Variants in CYREN observed in about 807,000 individuals in gnomAD.
CYREN encodes cell cycle regulator of non-homologous end joining.
A neutral mutation model predicts 9.7 loss-of-function variants in CYREN; 7 were observed. That is an observed-to-expected ratio of 0.72 (90% CI 0.41 to 1.36). The LOEUF (loss-of-function observed/expected upper bound fraction) is 1.36, where lower values mean the gene tolerates loss of function less well. Among genes scored for constraint, CYREN ranks in the 40% most tolerant of loss-of-function variants. The pLI is 0.01. For synonymous variants in CYREN, 76 were observed against 77.9 expected, an observed-to-expected ratio of 0.98 and a Z score of 0.13; for missense variants, 215 against 198.1, an observed-to-expected ratio of 1.09 and a Z score of -0.51.
intron 2 of CYREN, among the ~76,000 whole-genome samples, chr7:135,094,982 T>C (rs1351293647): frequency 6.6e-6 from 1 of 152,164 alleles, no homozygotes; most frequent in Non-Finnish European, 1.5e-5. Context: ...AGGAACTTGG[T>C]TTTCATAGTT....
intron 2 of CYREN, among the ~76,000 whole-genome samples, chr7:135,124,232 A>AAC (rs1427018818): frequency 1.3e-5 from 2 of 151,978 alleles, no homozygotes; most frequent in Non-Finnish European, 2.9e-5. Flanking sequence ...AAAAAAAAAA[A>AAC]AGTAGGGGTT....
downstream of CYREN, among the ~76,000 whole-genome samples, chr7:135,164,121 G>A (rs903448447): frequency 2.0e-5 from 3 of 152,200 alleles, no homozygotes; most frequent in Non-Finnish European, 4.4e-5. Context: ...GTTGTATTTG[G>A]ACTGGAGCAA....
chr7:135,110,559 T>C (rs1400398578), intron 2 of CYREN, among the ~76,000 whole-genome samples: 1 of 152,138 alleles, frequency 6.6e-6, no homozygotes, highest in African/African-American at 2.4e-5. Flanking sequence ...CCATCATCAC[T>C]CACTGACTCA....
intron 2 of CYREN, among the ~76,000 whole-genome samples, chr7:135,105,183 C>T (rs960031544): frequency 6.7e-6 from 1 of 149,056 alleles, no homozygotes; most frequent in South Asian, 2.1e-4. Context: ...GATTCTCTTG[C>T]CTCAGCCTCC....
At chr7:135,133,939 G>T (rs1316918912) in intron 2 of CYREN, among the ~76,000 whole-genome samples, 1 of 151,414 alleles carries the variant, frequency 6.6e-6, no homozygotes, top group Non-Finnish European at 1.5e-5. Context: ...TGAATCTCCA[G>T]ACAATTACTC....
intron 2 of CYREN, chr7:135,134,999 A>G: frequency 6.4e-7 from 1 of 1,551,192 alleles, no homozygotes; most frequent in Non-Finnish European, 8.7e-7. Context: ...TCACCTCTCA[A>G]AGGCCCCAAG....
intron 2 of CYREN, among the ~76,000 whole-genome samples, chr7:135,144,668 C>T (rs1829509796): frequency 1.3e-5 from 2 of 151,878 alleles, no homozygotes; most frequent in African/African-American, 4.8e-5. Context: ...GTAATCCCAG[C>T]ATTCTGGGAG....
intron 2 of CYREN, among the ~76,000 whole-genome samples, chr7:135,100,652 T>C (rs916334429): frequency 6.6e-6 from 1 of 152,242 alleles, no homozygotes; most frequent in African/African-American, 2.4e-5. Context: ...GAGACCAACA[T>C]GTAAAGCATC....
At chr7:135,119,868 C>T (rs1826897571) in intron 2 of CYREN, among the ~76,000 whole-genome samples, 1 of 152,022 alleles carries the variant, frequency 6.6e-6, no homozygotes. Flanking sequence ...CAGAGCGAGA[C>T]TCCGTCTCAA....
At chr7:135,136,495 A>G (rs1022033848) in intron 2 of CYREN, among the ~76,000 whole-genome samples, 1 of 152,082 alleles carries the variant, frequency 6.6e-6, no homozygotes, top group Non-Finnish European at 1.5e-5. Context: ...AACTTTTGGT[A>G]TAAAATTCTC....
intron 2 of CYREN, among the ~76,000 whole-genome samples, chr7:135,122,400 C>A (rs1240708385): frequency 6.6e-6 from 1 of 152,218 alleles, no homozygotes; most frequent in Non-Finnish European, 1.5e-5. Context: ...TGGGCCTGAG[C>A]CCCTAGCGGG....
chr7:135,167,572 A>G, intron 3 of CYREN, 160 bp downstream of exon 3: 1 of 985,376 alleles, frequency 1.0e-6, no homozygotes, highest in Non-Finnish European at 1.2e-6. Context: ...ACATGGGGAG[A>G]GGCCTGGGCA....
At chr7:135,097,516 T>G (rs1018944156) in intron 2 of CYREN, among the ~76,000 whole-genome samples, 1 of 152,144 alleles carries the variant, frequency 6.6e-6, no homozygotes, top group Non-Finnish European at 1.5e-5. Context: ...GCAATGAAAA[T>G]GTAAATTTTG....
At chr7:135,154,559 C>T (rs10268055) in intron 2 of CYREN, among the ~76,000 whole-genome samples, 73,788 of 151,974 alleles carry the variant, frequency 0.49, 18,265 homozygotes, top group South Asian at 0.66. Flanking sequence ...TGTGTTTTTG[C>T]ATTCATTTCA....
chr7:135,167,860 G>A (rs1288657218), intron 2 of CYREN, 53 bp from the exon 3 acceptor site: 1 of 1,612,538 alleles, frequency 6.2e-7, no homozygotes, highest in Admixed American at 1.7e-5. Flanking sequence ...AGTCTCATAA[G>A]GGCAAAGAGA....
At chr7:135,094,898 G>A (rs1822427013) in intron 2 of CYREN, among the ~76,000 whole-genome samples, 2 of 152,306 alleles carry the variant, frequency 1.3e-5, no homozygotes, top group South Asian at 4.1e-4. Context: ...AGCTGGCAAG[G>A]AAAAATTATA....
At chr7:135,096,657 A>G (rs918516229) in intron 2 of CYREN, among the ~76,000 whole-genome samples, 2 of 144,156 alleles carry the variant, frequency 1.4e-5, no homozygotes, top group Non-Finnish European at 3.1e-5. Context: ...GGAAGAACTT[A>G]TACAACTAGG....
At chr7:135,133,028 T>C (rs953995904) in intron 2 of CYREN, among the ~76,000 whole-genome samples, 2 of 151,202 alleles carry the variant, frequency 1.3e-5, no homozygotes, top group Non-Finnish European at 2.9e-5. Context: ...ATGTAGAAAA[T>C]CCTAATAAAT....
intron 2 of CYREN, among the ~76,000 whole-genome samples, chr7:135,110,655 T>G (rs1245185294): frequency 6.6e-6 from 1 of 152,194 alleles, no homozygotes; most frequent in Non-Finnish European, 1.5e-5. Context: ...CTGTTCTCCA[T>G]GGGTCAAGTT....
Sources: allele counts gnomAD v4.1 joint callset (sites outside exome capture counted in the v4.1 genomes callset), GRCh38; gene constraint gnomAD v4.1.1; transcripts MANE v1.5; gene names NCBI Gene and HGNC (gene_info 2026-07-23, HGNC 2026-07-21).